The following SPATA16 variants were observed in gnomAD, a reference collection of about 807,000 sequenced individuals.
SPATA16 encodes the protein spermatogenesis-associated protein 16.
A neutral mutation model predicts 63.3 loss-of-function variants in SPATA16; 36 were observed. That is an observed-to-expected ratio of 0.57 (90% CI 0.44 to 0.75). The LOEUF is 0.75. Among genes scored for constraint, SPATA16 ranks in the 30% least tolerant of loss-of-function variants. SPATA16 has a pLI of 0.00. For missense variants in SPATA16, 646 were observed against 679.3 expected (o/e 0.95, Z 0.54); for synonymous variants, 203 against 216.7 (o/e 0.94, Z 0.56).
At chr3:172,927,395 C>T (rs1732763643) in intron 6 of SPATA16, among the ~76,000 whole-genome samples, 1 of 152,128 alleles carries the variant, frequency 6.6e-6, no homozygotes, top group Non-Finnish European at 1.5e-5. Context: ...ATTAAAATAT[C>T]ACAAAATGCC....
intron 2 of SPATA16, among the ~76,000 whole-genome samples, chr3:173,106,526 A>C (rs576247891): frequency 6.6e-6 from 1 of 152,246 alleles, no homozygotes; most frequent in South Asian, 2.1e-4. Context: ...CTACTCAATA[A>C]ATATTTTTTA....
At chr3:172,955,666 G>A (rs1260634037) in intron 6 of SPATA16, among the ~76,000 whole-genome samples, 2 of 152,040 alleles carry the variant, frequency 1.3e-5, no homozygotes, top group Non-Finnish European at 2.9e-5. Flanking sequence ...AGAAAAGTAC[G>A]AAATCCATAG....
intron 2 of SPATA16, among the ~76,000 whole-genome samples, chr3:173,061,872 A>T (rs778933709): frequency 6.6e-6 from 1 of 152,170 alleles, no homozygotes; most frequent in Non-Finnish European, 1.5e-5. Context: ...CAGTGGACTT[A>T]AAAGTACTAT....
intron 3 of SPATA16, among the ~76,000 whole-genome samples, chr3:173,021,654 G>C (rs1375086869): frequency 1.3e-5 from 2 of 151,988 alleles, no homozygotes; most frequent in Non-Finnish European, 2.9e-5. Flanking sequence ...GCAGAGCTTT[G>C]TCCAGGGACT....
Position 173,011,686 on chromosome 3 carries a change from A to G in SPATA16, c.848+7800T>C, listed in dbSNP as rs144133386. 9.2e-3 allele frequency among the ~76,000 whole-genome samples: 1,408 copies of G among 152,368 alleles called. 23 individuals are homozygous for G. Among genetic ancestry groups the G allele is most frequent in the East Asian group, 0.017 (88 of 5,194 alleles). On this transcript the variant is annotated intron_variant, in intron 4 of 10. Transcript: ENST00000351008. ...CAGATTATCTCTTTTCACAGACAAT[A>G]TGATTCTATGCTAGAAGACTACCAA...
intron 6 of SPATA16, 77 bp from the exon 7 acceptor site, chr3:172,925,569 AGG>A: frequency 6.3e-7 from 1 of 1,581,280 alleles, no homozygotes; most frequent in Non-Finnish European, 8.7e-7. Flanking sequence ...CCCAGATTTC[AGG>A]AATTGTACTT....
intron 3 of SPATA16, among the ~76,000 whole-genome samples, chr3:173,023,922 AATAAATATAT>A (rs1482698521): frequency 6.6e-6 from 1 of 150,610 alleles, no homozygotes; most frequent in Admixed American, 6.6e-5. Flanking sequence ...AAATGTATAG[AATAAATATAT>A]ATAAATATAT....
chr3:172,910,555 C>G (rs1215631754), intron 10 of SPATA16, among the ~76,000 whole-genome samples: 2 of 151,924 alleles, frequency 1.3e-5, no homozygotes, highest in African/African-American at 4.8e-5. Context: ...AGATAACATA[C>G]TAGATTTGAC....
chr3:172,988,831 T>G (rs2108259329), intron 4 of SPATA16, among the ~76,000 whole-genome samples: 1 of 152,178 alleles, frequency 6.6e-6, no homozygotes. Flanking sequence ...AGAGACGGGG[T>G]TTCACCATGT....
At chr3:172,990,462 A>G (rs1038448049) in intron 4 of SPATA16, among the ~76,000 whole-genome samples, 6 of 152,188 alleles carry the variant, frequency 3.9e-5, no homozygotes, top group African/African-American at 7.2e-5. Context: ...GGGGAAACCA[A>G]CTATAATACA....
intron 2 of SPATA16, among the ~76,000 whole-genome samples, chr3:173,055,801 A>G (rs1192887663): frequency 6.6e-6 from 1 of 152,220 alleles, no homozygotes; most frequent in African/African-American, 2.4e-5. Flanking sequence ...TGGTGTTAAT[A>G]TTCTAGTTTT....
intron 2 of SPATA16, among the ~76,000 whole-genome samples, chr3:173,049,698 A>G (rs983629918): frequency 2.6e-5 from 4 of 152,222 alleles, no homozygotes; most frequent in Non-Finnish European, 1.5e-5. Context: ...AGGACACAGT[A>G]TCTGAAAAAC....
At position 172,918,367 on chromosome 3, in the gene SPATA16, A is replaced by T. The variant is rs549531906; in HGVS notation, c.1339-1886T>A. ...TTTCCAAAACGTCAGGAAAATAAACATAGTGGAAGGCAACAGTTTTAGCCT... is the reference window on the plus strand; with the variant it reads ...TTTCCAAAACGTCAGGAAAATAAACTTAGTGGAAGGCAACAGTTTTAGCCT... On this transcript the variant is annotated intron_variant, in intron 8 of 10. Transcript: ENST00000351008. Among the ~76,000 whole-genome samples, 101 of 152,300 alleles carry T rather than the reference A, an allele frequency of 6.6e-4. 1 individual carries two copies. The highest frequency in any genetic ancestry group is 2.3e-3 in the African/African-American group (95 of 41,566).
At chr3:172,957,304 C>G (rs1262318225) in intron 5 of SPATA16, among the ~76,000 whole-genome samples, 1 of 151,998 alleles carries the variant, frequency 6.6e-6, no homozygotes, top group Non-Finnish European at 1.5e-5. Flanking sequence ...CCTGGGAAAG[C>G]CTTTTGGAAT....
chr3:173,116,998 C>T (rs1737915043), intron 2 of SPATA16, 122 bp downstream of exon 2: 5 of 1,026,672 alleles, frequency 4.9e-6, no homozygotes, highest in Non-Finnish European at 7.6e-6. Flanking sequence ...ATCCTAATAT[C>T]ATTACATATC....
intron 5 of SPATA16, among the ~76,000 whole-genome samples, chr3:172,962,050 C>G (rs1210122073): frequency 6.6e-6 from 1 of 151,852 alleles, no homozygotes; most frequent in Non-Finnish European, 1.5e-5. Flanking sequence ...GCCAGGAGTT[C>G]GAAACCAGCA....
At chr3:173,027,997 C>CCCTT (rs1735493520) in intron 3 of SPATA16, among the ~76,000 whole-genome samples, 1 of 62,968 alleles carries the variant, frequency 1.6e-5, no homozygotes, top group Non-Finnish European at 2.9e-5. Context: ...CTCCCTCCCT[C>CCCTT]CCTCCCTCCC....
At chr3:172,936,951 T>C (rs1381737676) in intron 6 of SPATA16, among the ~76,000 whole-genome samples, 1 of 152,168 alleles carries the variant, frequency 6.6e-6, no homozygotes, top group East Asian at 1.9e-4. Context: ...CCTCAAGTGA[T>C]CCACCTGCTT....
Position 173,091,869 on chromosome 3 carries a change from C to T in SPATA16, c.612+25251G>A, listed in dbSNP as rs1737231534. Reference sequence around the variant, plus strand: ...TTTCCATGGGTCTTTATAGCTTTTGCATGTCTTGTCAACAAGACAGTAACC... The same window carrying T: ...TTTCCATGGGTCTTTATAGCTTTTGTATGTCTTGTCAACAAGACAGTAACC... On this transcript the variant is annotated intron_variant, in intron 2 of 10. Coordinates refer to ENST00000351008, the MANE Select transcript of SPATA16 (RefSeq NM_031955.6). Among the ~76,000 whole-genome samples, 6 of 152,198 alleles carry T rather than the reference C, an allele frequency of 3.9e-5. No homozygotes were observed. In the South Asian group the frequency reaches 1.2e-3, roughly 32 times the overall value.
Sources: gnomAD v4.1 joint callset for allele counts (sites outside exome capture counted in the v4.1 genomes callset) on GRCh38, gnomAD v4.1.1 for gene constraint, MANE v1.5 for transcripts, NCBI Gene and HGNC (gene_info 2026-07-23, HGNC 2026-07-21) for gene names.